PDE1C: variants seen among roughly 807,000 people sequenced by gnomAD.
PDE1C encodes the protein dual specificity calcium/calmodulin-dependent 3',5'-cyclic nucleotide phosphodiesterase 1C.
In PDE1C, 62 loss-of-function variants were observed where a neutral mutation model predicts 93.1. The observed-to-expected ratio is 0.67, with a 90% CI of 0.54 to 0.82. PDE1C has a LOEUF of 0.82. Among genes scored for constraint, PDE1C ranks in the 40% least tolerant of loss-of-function variants. PDE1C has a pLI of 0.00. For missense variants in PDE1C, 742 were observed against 884.6 expected, an observed-to-expected ratio of 0.84 and a Z score of 2.04; for synonymous variants, 325 against 310.1, an observed-to-expected ratio of 1.05 and a Z score of -0.50.
chr7:32,100,202 A>G (rs1797976565), intron 3 of PDE1C, among the ~76,000 whole-genome samples: 3 of 152,188 alleles, frequency 2.0e-5, no homozygotes, highest in African/African-American at 7.2e-5. Context: ...AATGAAGGAA[A>G]TCAACATTTC....
At chr7:31,911,097 A>G (rs1049883412) in intron 2 of PDE1C, among the ~76,000 whole-genome samples, 1 of 152,202 alleles carries the variant, frequency 6.6e-6, no homozygotes, top group African/African-American at 2.4e-5. Context: ...GCAAACTAGT[A>G]AATTCCAGTG....
intron 2 of PDE1C, among the ~76,000 whole-genome samples, chr7:32,038,048 G>C (rs1407915147): frequency 6.6e-6 from 1 of 152,016 alleles, no homozygotes; most frequent in East Asian, 1.9e-4. Flanking sequence ...TTAAATATAT[G>C]GTGGAAACAT....
intron 1 of PDE1C, among the ~76,000 whole-genome samples, chr7:32,423,039 T>C: frequency 6.6e-6 from 1 of 152,182 alleles, no homozygotes; most frequent in Non-Finnish European, 1.5e-5. Context: ...ACTGTGACCC[T>C]TTGACTAGCA....
chr7:31,959,180 GTTTT>G (rs912876238), intron 2 of PDE1C, among the ~76,000 whole-genome samples: 1 of 150,396 alleles, frequency 6.6e-6, no homozygotes, highest in Admixed American at 6.8e-5. Context: ...TGGTCAATTT[GTTTT>G]TTGTTTTTTG....
At chr7:32,308,785 CA>C (rs1334494224) in intron 1 of PDE1C, among the ~76,000 whole-genome samples, 13 of 151,978 alleles carry the variant, frequency 8.6e-5, no homozygotes, top group African/African-American at 3.1e-4. Flanking sequence ...TAGGTAAAAC[CA>C]CAAAGATGGG....
At chr7:32,074,360 A>G (rs1400873853), upstream of PDE1C, among the ~76,000 whole-genome samples, 1 of 152,240 alleles carries the variant, frequency 6.6e-6, no homozygotes, top group African/African-American at 2.4e-5. Context: ...TCATTTGCCA[A>G]GCACCATGGC....
intron 2 of PDE1C, among the ~76,000 whole-genome samples, chr7:31,934,408 T>C (rs1314318249): frequency 6.6e-6 from 1 of 152,218 alleles, no homozygotes; most frequent in Non-Finnish European, 1.5e-5. Context: ...AATAACACGA[T>C]ATTAATGTAA....
intron 1 of PDE1C, among the ~76,000 whole-genome samples, chr7:32,276,552 T>C (rs952053551): frequency 6.6e-6 from 1 of 152,178 alleles, no homozygotes; most frequent in African/African-American, 2.4e-5. Context: ...GAAAGGCAGC[T>C]CTTTGCAAGA....
intron 3 of PDE1C, among the ~76,000 whole-genome samples, chr7:32,082,174 C>G (rs1322470686): frequency 1.3e-5 from 2 of 152,284 alleles, no homozygotes; most frequent in African/African-American, 4.8e-5. Flanking sequence ...ATGCGCTTTT[C>G]CGACGGGCTT....
chr7:31,812,231 G>A (rs1400198745), intron 15 of PDE1C, among the ~76,000 whole-genome samples: 2 of 152,070 alleles, frequency 1.3e-5, no homozygotes, highest in Non-Finnish European at 2.9e-5. Context: ...CTTATTTCAG[G>A]AAATAAGCAC....
intron 1 of PDE1C, among the ~76,000 whole-genome samples, chr7:32,214,514 A>T (rs1413103748): frequency 6.6e-6 from 1 of 152,182 alleles, no homozygotes; most frequent in Non-Finnish European, 1.5e-5. Flanking sequence ...TAAGCCCCTG[A>T]TCCCAGTGAG....
intron 3 of PDE1C, among the ~76,000 whole-genome samples, chr7:32,112,639 G>C (rs1311085684): frequency 1.4e-5 from 2 of 143,552 alleles, no homozygotes; most frequent in African/African-American, 2.6e-5. Context: ...TTTTTTTTTA[G>C]AGATGGGATC....
chr7:32,310,537 A>G (rs1015227630), intron 1 of PDE1C, among the ~76,000 whole-genome samples: 6 of 152,224 alleles, frequency 3.9e-5, no homozygotes, highest in African/African-American at 1.4e-4. Flanking sequence ...AAGAACAGAA[A>G]TTATAACAAA....
chr7:32,428,162 G>T (rs1785577461), upstream of PDE1C: 1 of 152,382 alleles, frequency 6.6e-6, no homozygotes, highest in Admixed American at 6.5e-5. Flanking sequence ...CCAGGTGAGC[G>T]GCCCTGGCTC....
intron 1 of PDE1C, among the ~76,000 whole-genome samples, chr7:32,063,340 G>C (rs1248608054): frequency 6.6e-6 from 1 of 152,148 alleles, no homozygotes; most frequent in Non-Finnish European, 1.5e-5. Context: ...CCAGGAGATA[G>C]GTCCTATAAA....
intron 5 of PDE1C, among the ~76,000 whole-genome samples, chr7:31,877,671 T>C (rs780899074): frequency 6.7e-6 from 1 of 148,892 alleles, no homozygotes; most frequent in Non-Finnish European, 1.5e-5. Flanking sequence ...ACATATTTGA[T>C]CTCGTATGGC....
At chr7:32,396,662 C>A (rs1784845509) in intron 1 of PDE1C, among the ~76,000 whole-genome samples, 1 of 151,994 alleles carries the variant, frequency 6.6e-6, no homozygotes, top group African/African-American at 2.4e-5. Flanking sequence ...CTGTAGAATA[C>A]AGACAGATAC....
intron 2 of PDE1C, among the ~76,000 whole-genome samples, chr7:31,939,282 T>C (rs1419015187): frequency 1.3e-5 from 2 of 152,060 alleles, no homozygotes; most frequent in African/African-American, 4.8e-5. Flanking sequence ...CAAAATCATT[T>C]ACATGGTTAT....
chr7:32,198,490 C>A (rs1477842805), intron 2 of PDE1C, among the ~76,000 whole-genome samples: 2 of 152,106 alleles, frequency 1.3e-5, no homozygotes, highest in African/African-American at 4.8e-5. Context: ...AGATGTAAGC[C>A]TTTCAGAACT....
Sources: gnomAD v4.1 joint callset for allele counts (sites outside exome capture counted in the v4.1 genomes callset) on GRCh38, gnomAD v4.1.1 for gene constraint, MANE v1.5 for transcripts, NCBI Gene and HGNC (gene_info 2026-07-23, HGNC 2026-07-21) for gene names.